Variants in DCLK1 observed in about 807,000 individuals in gnomAD.
DCLK1 encodes doublecortin like kinase 1, also known as serine/threonine-protein kinase DCLK1.
Under a neutral mutation model 86.2 loss-of-function variants are expected in DCLK1, and 16 were observed. That is an observed-to-expected ratio of 0.19 (90% confidence interval 0.13 to 0.28). The LOEUF is 0.28. DCLK1 is among the 10% of genes least tolerant of loss of function. The probability of loss-of-function intolerance (pLI) is 1.00; values close to 1 mark genes in which losing one functional copy is unlikely to be tolerated. For missense variants in DCLK1, 590 were observed against 940.2 expected (o/e 0.63, Z 4.87); for synonymous variants, 369 against 370.5 (o/e 1.00, Z 0.05).
chr13:35,997,190 C>T (rs1148331), intron 3 of DCLK1, among the ~76,000 whole-genome samples: 128,736 of 152,234 alleles, frequency 0.85, 54,514 homozygotes, highest in East Asian at 0.97. Context: ...GGCTAGCCCA[C>T]TTTGGATAAT....
intron 3 of DCLK1, among the ~76,000 whole-genome samples, chr13:36,079,137 G>A (rs1053812594): frequency 6.6e-6 from 1 of 152,174 alleles, no homozygotes; most frequent in Non-Finnish European, 1.5e-5. Flanking sequence ...GAAATGCCTA[G>A]AATGTTACTC....
chr13:36,104,656 G>T (rs1032125882), intron 3 of DCLK1, among the ~76,000 whole-genome samples: 1 of 151,762 alleles, frequency 6.6e-6, no homozygotes, highest in Non-Finnish European at 1.5e-5. Flanking sequence ...CACAGAGAAG[G>T]TATTCAACAA....
intron 3 of DCLK1, among the ~76,000 whole-genome samples, chr13:36,073,553 T>C (rs1005593224): frequency 1.3e-5 from 2 of 151,986 alleles, no homozygotes; most frequent in African/African-American, 2.4e-5. Context: ...ATCTGACAGA[T>C]AAAACAATGC....
intron 3 of DCLK1, among the ~76,000 whole-genome samples, chr13:36,015,620 G>T (rs919013550): frequency 6.6e-6 from 1 of 151,916 alleles, no homozygotes; most frequent in African/African-American, 2.4e-5. Context: ...TTTCAATCTT[G>T]CCCCTCTCCT....
chr13:35,878,119 C>G (rs1464218737), intron 4 of DCLK1, among the ~76,000 whole-genome samples: 2 of 152,224 alleles, frequency 1.3e-5, no homozygotes, highest in African/African-American at 2.4e-5. Flanking sequence ...GATTCACCAC[C>G]TCCTGCCTCA....
At position 35,809,117 on chromosome 13, in the gene DCLK1, G is replaced by A. The variant is rs779712779; in HGVS notation, c.1689-22C>T. ...GTATCTGGAAAAATAAGGGATGTTA[G>A]AGTTAGGAGGGTCAGGCTCGGACAA... On this transcript the variant is annotated intron_variant, in intron 12 of 16. Coordinates refer to ENST00000360631, the MANE Select transcript of DCLK1 (RefSeq NM_001330071.2). The A allele has an allele frequency of 3.7e-6, 6 of 1,600,494 alleles. No individual in the cohort carries two copies. In the African/African-American group the frequency reaches 5.4e-5, roughly 14 times the overall value.
At chr13:36,013,813 G>A (rs1455056167) in intron 3 of DCLK1, among the ~76,000 whole-genome samples, 14 of 152,262 alleles carry the variant, frequency 9.2e-5, no homozygotes, top group Admixed American at 2.6e-4. Context: ...AATGGCGGGC[G>A]CCCCTCCCCC....
chr13:35,983,471 C>T (rs559252982), intron 3 of DCLK1, among the ~76,000 whole-genome samples: 2 of 152,302 alleles, frequency 1.3e-5, no homozygotes, highest in South Asian at 4.1e-4. Flanking sequence ...TGGAATCAGG[C>T]TCAGTGGGGA....
chr13:35,962,791 G>C (rs1344441445), intron 3 of DCLK1, among the ~76,000 whole-genome samples: 1 of 152,118 alleles, frequency 6.6e-6, no homozygotes, highest in African/African-American at 2.4e-5. Flanking sequence ...GCAAACATAT[G>C]GTCTTTATTC....
Position 35,827,721 on chromosome 13 carries a change from T to C in DCLK1, c.1321A>G (p.Arg441Gly). Reference protein sequence around the residue: ...HMIQNEVSILRRVKHPNIVLL... With the variant: ...HMIQNEVSILGRVKHPNIVLL... The stretch of plus-strand genomic sequence containing the variant: ...ACGATATTGGGATGCTTCACTCTTC[T>C]TAAAATAGACACTTCATTCTGGATC... The change falls in exon 10 of 17, where the codon AGA (arginine) becomes GGA (glycine). Residue 441 changes from arginine (R) to glycine (G), a missense_variant. Physicochemically the swap from Arg to Gly is moderately radical, Grantham distance 125. Coordinates refer to ENST00000360631, the MANE Select transcript of DCLK1 (RefSeq NM_001330071.2). 1 of 1,613,964 alleles carries C rather than the reference T, an allele frequency of 6.2e-7. No homozygotes were observed. The highest frequency in any genetic ancestry group is 8.5e-7 in the Non-Finnish European group (1 of 1,179,992).
chr13:36,025,837 C>T (rs900107277), intron 3 of DCLK1, among the ~76,000 whole-genome samples: 9 of 152,116 alleles, frequency 5.9e-5, no homozygotes, highest in South Asian at 2.1e-4. Flanking sequence ...AAAATTTAGA[C>T]GTGATTTAAT....
intron 3 of DCLK1, among the ~76,000 whole-genome samples, chr13:35,963,338 A>G (rs1252624070): frequency 6.6e-6 from 1 of 152,218 alleles, no homozygotes; most frequent in Admixed American, 6.5e-5. Flanking sequence ...CAGGTAGTAT[A>G]GTGGGGAACA....
intron 3 of DCLK1, among the ~76,000 whole-genome samples, chr13:35,991,070 A>G (rs1231772818): frequency 6.6e-6 from 1 of 152,156 alleles, no homozygotes; most frequent in Non-Finnish European, 1.5e-5. Flanking sequence ...GAGAAAAAGC[A>G]GAAATGGGAT....
At chr13:36,070,053 T>A (rs1470775047) in intron 3 of DCLK1, among the ~76,000 whole-genome samples, 1 of 152,090 alleles carries the variant, frequency 6.6e-6, no homozygotes, top group East Asian at 1.9e-4. Flanking sequence ...AGGCTTGTGT[T>A]ATGAAAAATA....
At chr13:35,976,618 C>T (rs1185583104) in intron 3 of DCLK1, among the ~76,000 whole-genome samples, 2 of 147,670 alleles carry the variant, frequency 1.4e-5, no homozygotes, top group Non-Finnish European at 3.0e-5. Context: ...GCAAGCTCCG[C>T]CTCCCGGGTT....
chr13:35,999,211 T>G (rs1880604993), intron 3 of DCLK1, among the ~76,000 whole-genome samples: 1 of 151,536 alleles, frequency 6.6e-6, no homozygotes, highest in South Asian at 2.1e-4. Flanking sequence ...GCCGAGATCA[T>G]GCCACTGCAC....
At chr13:36,105,045 T>C (rs1885340832) in intron 3 of DCLK1, among the ~76,000 whole-genome samples, 1 of 152,196 alleles carries the variant, frequency 6.6e-6, no homozygotes, top group Non-Finnish European at 1.5e-5. Context: ...CCCAATATTA[T>C]GAGGTATGCA....
At chr13:35,915,847 T>TA (rs1875373529) in intron 4 of DCLK1, among the ~76,000 whole-genome samples, 1 of 152,234 alleles carries the variant, frequency 6.6e-6, no homozygotes, top group Admixed American at 6.5e-5. Flanking sequence ...TTTTGATTGA[T>TA]CACTAACCTG....
chr13:36,014,626 A>G (rs1327405163), intron 3 of DCLK1, among the ~76,000 whole-genome samples: 1 of 152,192 alleles, frequency 6.6e-6, no homozygotes, highest in Non-Finnish European at 1.5e-5. Context: ...AGTTGCTGGG[A>G]AAAATAACAA....
Sources: gnomAD v4.1 joint callset for allele counts (sites outside exome capture counted in the v4.1 genomes callset) on GRCh38, gnomAD v4.1.1 for gene constraint, MANE v1.5 for transcripts, NCBI Gene and HGNC (gene_info 2026-07-23, HGNC 2026-07-21) for gene names.